ACTL6A: variants seen among roughly 807,000 people sequenced by gnomAD.
The protein encoded by ACTL6A is actin like 6A.
Under a neutral mutation model 59.2 loss-of-function variants are expected in ACTL6A, and 5 were observed. The observed-to-expected ratio is 0.08, with a 90% CI of 0.04 to 0.18. The LOEUF (loss-of-function observed/expected upper bound fraction) is 0.18, where lower values mean the gene tolerates loss of function less well. Among genes scored for constraint, ACTL6A ranks in the 10% least tolerant of loss-of-function variants. The probability of loss-of-function intolerance (pLI) is 1.00; values close to 1 mark genes in which losing one functional copy is unlikely to be tolerated. For missense variants in ACTL6A, 285 were observed against 526.9 expected, an observed-to-expected ratio of 0.54 and a Z score of 4.49; for synonymous variants, 154 against 171.8, an observed-to-expected ratio of 0.90 and a Z score of 0.81.
intron 13 of ACTL6A, among the ~76,000 whole-genome samples, chr3:179,587,715 C>T (rs1197234617): frequency 2.6e-5 from 4 of 152,008 alleles, no homozygotes; most frequent in African/African-American, 9.7e-5. Context: ...ATCTCTACAA[C>T]AATTAAAATT....
chr3:179,574,809 A>G (rs941581279), intron 5 of ACTL6A: 2 of 183,212 alleles, frequency 1.1e-5, no homozygotes, highest in African/African-American at 4.8e-5. Context: ...CCAATATCAT[A>G]GAAAACTGGA....
intron 1 of ACTL6A, 108 bp downstream of exon 1, chr3:179,563,225 T>C (rs1387951804): frequency 3.7e-5 from 53 of 1,450,742 alleles, no homozygotes; most frequent in Non-Finnish European, 1.8e-6. Flanking sequence ...TCTCCCCCTC[T>C]CGGGACCCCG....
intron 13 of ACTL6A, among the ~76,000 whole-genome samples, chr3:179,587,239 T>C (rs927371924): frequency 5.9e-5 from 9 of 152,002 alleles, no homozygotes; most frequent in African/African-American, 2.2e-4. Context: ...TTTATATACA[T>C]ATATATGTAT....
rs1717708934 is a variant in ACTL6A at position 179,563,009 on chromosome 3, A to G, written c.-84A>G. On this transcript the variant is annotated 5_prime_UTR_variant, in exon 1 of 14. Coordinates refer to ENST00000429709, the MANE Select transcript of ACTL6A (RefSeq NM_004301.5). ...GTGGAAGTTAAGGGAGTCAGGGGCT[A>G]TCGCTCCTCGAGACTCGCAGTCGCG... The G allele has an allele frequency of 1.9e-6, 3 of 1,560,090 alleles. No homozygotes were observed. Among genetic ancestry groups the G allele is most frequent in the Non-Finnish European group, 2.6e-6 (3 of 1,150,914 alleles).
In ACTL6A at chr3:179,588,030, T is replaced by C; in HGVS notation, c.*20T>C. 1 of 1,566,524 alleles carries C rather than the reference T, an allele frequency of 6.4e-7. No homozygotes were observed. The highest frequency in any genetic ancestry group is 8.6e-7 in the Non-Finnish European group (1 of 1,156,244). On this transcript the variant is annotated 3_prime_UTR_variant, in exon 14 of 14. Transcript: ENST00000429709. ...CCTTGAGAAAGAGTTCCCAAGCTTCTACCTTCCTTTTGTCACCTTACGTTT... is the reference window on the plus strand; with the variant it reads ...CCTTGAGAAAGAGTTCCCAAGCTTCCACCTTCCTTTTGTCACCTTACGTTT...
chr3:179,583,495 C>A, intron 12 of ACTL6A, 47 bp downstream of exon 12: 1 of 1,451,958 alleles, frequency 6.9e-7, no homozygotes, highest in South Asian at 1.2e-5. Context: ...CATATATTTC[C>A]TCACTGATGG....
rs1453546917 is a variant in ACTL6A, at chr3:179,580,877, G to A, written c.831-17G>A. On this transcript the variant is annotated splice_polypyrimidine_tract_variant and intron_variant, in intron 9 of 13. Coordinates refer to ENST00000429709, the MANE Select transcript of ACTL6A (RefSeq NM_004301.5). ...TATTTTTTGTCTTTTGTGTAATACG[G>A]TTTAATATGTTTTCAGAGTGGCTGC... 1 of 1,571,780 alleles carries A rather than the reference G, an allele frequency of 6.4e-7. No individual in the cohort carries two copies.
intron 3 of ACTL6A, among the ~76,000 whole-genome samples, chr3:179,572,839 T>C (rs757497471): frequency 6.6e-5 from 10 of 152,160 alleles, no homozygotes; most frequent in Non-Finnish European, 1.3e-4. Context: ...TAGTGACTTA[T>C]GTCAGTAGTT....
rs564897061 is a variant in ACTL6A at position 179,578,624 on chromosome 3, G to GA, written c.768+1720dup. Among the ~76,000 whole-genome samples, 26 of 148,912 alleles carry GA rather than the reference G, an allele frequency of 1.7e-4. No individual in the cohort carries two copies. In the South Asian group the frequency reaches 3.4e-3, roughly 19 times the overall value. On this transcript the variant is annotated intron_variant, in intron 8 of 13. Coordinates refer to ENST00000429709, the MANE Select transcript of ACTL6A (RefSeq NM_004301.5). ...ACGAGTGAGAACCCATCTCAAAAAA[G>GA]AAAAAAAAACAAATGGTAGTTCTGT... is the stretch of plus-strand genomic sequence containing the variant.
In ACTL6A at chr3:179,563,113, G is replaced by C. The variant is rs1215761241; in HGVS notation, c.21G>C (p.Gly7=). 2 of 1,612,588 alleles carry C rather than the reference G, an allele frequency of 1.2e-6. No homozygotes were observed. The highest frequency in any genetic ancestry group is 2.2e-5 in the South Asian group (2 of 90,958). Residue 7 remains glycine (G), a synonymous_variant, in exon 1 of 14, where the codon GGG becomes GGC. Transcript: ENST00000429709. The stretch of plus-strand genomic sequence containing the variant: ...CAGCCATGAGCGGCGGCGTGTACGG[G>C]GGAGGTGAGTGAGTGCGGCCGGACG... MSGGVY[G]GDEVGALVFD...
At chr3:179,580,346 T>C (rs1718300719) in intron 8 of ACTL6A, among the ~76,000 whole-genome samples, 2 of 152,200 alleles carry the variant, frequency 1.3e-5, no homozygotes, top group Non-Finnish European at 2.9e-5. Context: ...GTTCTGAAAT[T>C]GGTTTTGTTA....
intron 13 of ACTL6A, 44 bp downstream of exon 13, chr3:179,586,676 T>C (rs1179046721): frequency 8.4e-6 from 12 of 1,424,886 alleles, no homozygotes; most frequent in Non-Finnish European, 9.7e-7. Flanking sequence ...TACTGAATTA[T>C]ACTAAATTTA....
rs994405138 is a variant in ACTL6A, at chr3:179,562,942, C to G, written c.-151C>G. The stretch of plus-strand genomic sequence containing the variant: ...GGAGCCAGCAAGTGTGGCTGAGCTC[C>G]GGGGTGTGTGGACGCCGCTTTGTTG... On this transcript the variant is annotated 5_prime_UTR_variant, in exon 1 of 14. Coordinates refer to ENST00000429709, the MANE Select transcript of ACTL6A (RefSeq NM_004301.5). 9 of 966,786 alleles carry G rather than the reference C, an allele frequency of 9.3e-6. No homozygotes were observed. In the East Asian group the frequency reaches 1.0e-4, roughly 11 times the overall value. The allele number at this position is 966,786 out of a possible 1,614,324, so 59.9% of individuals were successfully genotyped here. A position where few individuals can be genotyped will look rare whatever the true frequency, so the allele number is the denominator to read the frequency against.
At chr3:179,576,011 C>T (rs1310480698) in intron 5 of ACTL6A, among the ~76,000 whole-genome samples, 3 of 152,176 alleles carry the variant, frequency 2.0e-5, no homozygotes, top group East Asian at 1.9e-4. Context: ...TACCTCCATT[C>T]TGGAATTCCT....
At chr3:179,572,411 T>A (rs889723794) in intron 3 of ACTL6A, among the ~76,000 whole-genome samples, 1 of 152,184 alleles carries the variant, frequency 6.6e-6, no homozygotes, top group Non-Finnish European at 1.5e-5. Flanking sequence ...CTTTGGGCTG[T>A]GACAGAAAAG....
At chr3:179,581,257 T>C (rs371449059) in intron 11 of ACTL6A, 37 bp downstream of exon 11, 17 of 1,533,560 alleles carry the variant, frequency 1.1e-5, no homozygotes, top group African/African-American at 2.7e-5. Flanking sequence ...TAAAGGTATC[T>C]TTTAGGGGAC....
At chr3:179,586,849 T>G in intron 13 of ACTL6A, 1 of 511,608 alleles carries the variant, frequency 2.0e-6, no homozygotes. Context: ...CAATGTCCCC[T>G]CTCAAACAGA....
intron 13 of ACTL6A, among the ~76,000 whole-genome samples, chr3:179,587,344 T>TG (rs1324824118): frequency 6.6e-6 from 1 of 152,156 alleles, no homozygotes; most frequent in African/African-American, 2.4e-5. Context: ...TTTCTGTTAT[T>TG]GCCTTAGGTT....
rs778205206 is a variant in ACTL6A, at chr3:179,576,813, G to C, written c.679-11G>C. 6.2e-7 allele frequency: 1 copy of C among 1,613,456 alleles called. No individual in the cohort carries two copies. Among genetic ancestry groups the C allele is most frequent in the East Asian group, 2.2e-5 (1 of 44,856 alleles). ...GAACTCCATTAACCTAGCATCTCTT[G>C]GTACTCTCAGGAAGCTGTTCGTGAA... On this transcript the variant is annotated splice_polypyrimidine_tract_variant and intron_variant, in intron 7 of 13. Coordinates refer to ENST00000429709, the MANE Select transcript of ACTL6A (RefSeq NM_004301.5).
Sources: gnomAD v4.1 joint callset for allele counts (sites outside exome capture counted in the v4.1 genomes callset) on GRCh38, gnomAD v4.1.1 for gene constraint, MANE v1.5 for transcripts, NCBI Gene and HGNC (gene_info 2026-07-23, HGNC 2026-07-21) for gene names.